VPS13A: variants seen among roughly 807,000 people sequenced by gnomAD.
VPS13A encodes vacuolar protein sorting 13 homolog A.
VPS13A carries 264 observed loss-of-function variants against 390.9 expected under a neutral mutation model. That is an observed-to-expected ratio of 0.68 (90% CI 0.61 to 0.75). The LOEUF is 0.75. Ranked by LOEUF, VPS13A falls within the 30% of genes least tolerant of loss-of-function variation. The pLI, the probability that VPS13A is intolerant of heterozygous loss-of-function variation, is 0.00. For missense variants in VPS13A, 3,409 were observed against 3,733.9 expected (o/e 0.91, Z 2.27); for synonymous variants, 1,231 against 1,227.1 (o/e 1.00, Z -0.07).
intron 69 of VPS13A, among the ~76,000 whole-genome samples, chr9:77,404,528 A>G (rs1168093607): frequency 6.6e-6 from 1 of 152,200 alleles, no homozygotes; most frequent in East Asian, 1.9e-4. Context: ...TCATGTTTTT[A>G]GTAACTCACT....
chr9:77,365,197 G>T (rs1204572667), intron 59 of VPS13A, among the ~76,000 whole-genome samples: 1 of 152,136 alleles, frequency 6.6e-6, no homozygotes, highest in Non-Finnish European at 1.5e-5. Context: ...ATGTCATTTT[G>T]GGATAAGATT....
intron 19 of VPS13A, among the ~76,000 whole-genome samples, chr9:77,245,467 G>T (rs1014936932): frequency 3.9e-5 from 6 of 152,158 alleles, no homozygotes; most frequent in Admixed American, 6.5e-5. Context: ...GAAAAAGAAT[G>T]AATAACTGTT....
At chr9:77,252,445 T>C (rs1825197392) in intron 22 of VPS13A, 93 bp downstream of exon 22, 2 of 1,010,442 alleles carry the variant, frequency 2.0e-6, no homozygotes, top group African/African-American at 3.2e-5. Context: ...CTTGTGTGTG[T>C]GGTGAAATGT....
intron 67 of VPS13A, among the ~76,000 whole-genome samples, chr9:77,380,913 CA>C (rs1275906362): frequency 6.6e-6 from 1 of 152,186 alleles, no homozygotes; most frequent in East Asian, 1.9e-4. Context: ...GGAGCTCAGG[CA>C]GTGAAACTTG....
chr9:77,200,771 G>A (rs775920742), intron 2 of VPS13A, among the ~76,000 whole-genome samples: 5 of 152,040 alleles, frequency 3.3e-5, no homozygotes, highest in African/African-American at 7.2e-5. Context: ...AGTCTTTACC[G>A]AATCTAATGT....
chr9:77,228,587 C>T (rs986378884), intron 17 of VPS13A, among the ~76,000 whole-genome samples: 9 of 151,958 alleles, frequency 5.9e-5, no homozygotes, highest in Non-Finnish European at 8.8e-5. Context: ...AGATGTAATT[C>T]ACATACCCTA....
rs535676382 is a variant in VPS13A at position 77,420,730 on chromosome 9, G to A, written c.*4724G>A. The stretch of plus-strand genomic sequence containing the variant: ...ATGTATTCCTTCTAATGAAGTCCTT[G>A]TAACAAGAAACCCTGTGAGATTGGT... On this transcript the variant is annotated 3_prime_UTR_variant, in exon 72 of 72. Coordinates refer to ENST00000360280, the MANE Select transcript of VPS13A (RefSeq NM_033305.3). The A allele has an allele frequency of 2.2e-4, 33 of 152,208 alleles. No homozygotes were observed. Among genetic ancestry groups the A allele is most frequent in the Non-Finnish European group, 4.1e-4 (28 of 67,998 alleles). 9.4% of individuals were successfully genotyped at this position (152,208 alleles called of 1,614,324 possible).
intron 31 of VPS13A, among the ~76,000 whole-genome samples, chr9:77,292,541 T>G (rs1827739239): frequency 6.6e-6 from 1 of 152,170 alleles, no homozygotes; most frequent in Non-Finnish European, 1.5e-5. Flanking sequence ...AGCAGGACTG[T>G]AGACTTCTTT....
At chr9:77,360,772 G>A in intron 59 of VPS13A, 131 bp downstream of exon 59, 1 of 660,576 alleles carries the variant, frequency 1.5e-6, no homozygotes, top group Non-Finnish European at 2.5e-6. Flanking sequence ...ACTCTCTTGT[G>A]GTACATACCT....
chr9:77,377,197 GATGCTGTTTTTTTTTTT>G (rs1833130199), intron 67 of VPS13A, among the ~76,000 whole-genome samples: 3 of 132,144 alleles, frequency 2.3e-5, no homozygotes, highest in Non-Finnish European at 4.8e-5. Context: ...AAGTATTTTT[GATGCTGTTTTTTTTTTT>G]TTTTTTTTTT....
At chr9:77,217,727 C>T (rs1242484596) in intron 10 of VPS13A, among the ~76,000 whole-genome samples, 1 of 151,838 alleles carries the variant, frequency 6.6e-6, no homozygotes, top group East Asian at 1.9e-4. Context: ...TTGGTTGATA[C>T]CATATCTTTG....
At chr9:77,409,699 G>C (rs1272397348) in intron 71 of VPS13A, among the ~76,000 whole-genome samples, 1 of 151,198 alleles carries the variant, frequency 6.6e-6, no homozygotes, top group Non-Finnish European at 1.5e-5. Context: ...AAGGGTATCA[G>C]TGATGGAAGA....
chr9:77,363,557 G>T (rs953544261), intron 59 of VPS13A, among the ~76,000 whole-genome samples: 2 of 151,922 alleles, frequency 1.3e-5, no homozygotes, highest in Admixed American at 1.3e-4. Flanking sequence ...GATTACAGGC[G>T]TGTGCCAAAA....
At chr9:77,227,975 T>C (rs1823616201) in intron 16 of VPS13A, 147 bp from the exon 17 acceptor site, 2 of 555,082 alleles carry the variant, frequency 3.6e-6, no homozygotes, top group South Asian at 1.0e-4. Context: ...ATATTGTCTC[T>C]TTTTTTGGGG....
At chr9:77,341,411 C>T (rs922002948) in intron 50 of VPS13A, among the ~76,000 whole-genome samples, 3 of 152,170 alleles carry the variant, frequency 2.0e-5, no homozygotes, top group Non-Finnish European at 2.9e-5. Context: ...TCTGCAGTCA[C>T]ACTGCTATAT....
chr9:77,320,282 A>G (rs1829664325), intron 42 of VPS13A, among the ~76,000 whole-genome samples: 1 of 152,158 alleles, frequency 6.6e-6, no homozygotes, highest in Non-Finnish European at 1.5e-5. Context: ...AATCCACTCT[A>G]AACCACTATG....
chr9:77,400,223 A>ATTTTTTTTTTTTTTTTTTT (rs34605855), intron 68 of VPS13A, among the ~76,000 whole-genome samples: 46 of 88,114 alleles, frequency 5.2e-4, no homozygotes, highest in African/African-American at 2.2e-3. Context: ...TATCAGTCAG[A>ATTTTTTTTTTTTTTTTTTT]TTTTTTTTTT....
chr9:77,300,277 T>C (rs1828266778), intron 33 of VPS13A, among the ~76,000 whole-genome samples: 1 of 152,196 alleles, frequency 6.6e-6, no homozygotes, highest in African/African-American at 2.4e-5. Flanking sequence ...TAAATAACAC[T>C]ATATTGATGA....
chr9:77,344,564 T>C (rs1831039486), intron 51 of VPS13A, among the ~76,000 whole-genome samples: 2 of 152,114 alleles, frequency 1.3e-5, no homozygotes, highest in African/African-American at 4.8e-5. Flanking sequence ...GAGACCATCC[T>C]GGCTAACACG....
Sources: gnomAD v4.1 joint callset for allele counts (sites outside exome capture counted in the v4.1 genomes callset) on GRCh38, gnomAD v4.1.1 for gene constraint, MANE v1.5 for transcripts, NCBI Gene and HGNC (gene_info 2026-07-23, HGNC 2026-07-21) for gene names.